ZNF239: variants seen among roughly 807,000 people sequenced by gnomAD.
ZNF239 encodes zinc finger protein 239.
Under a neutral mutation model 27.5 loss-of-function variants are expected in ZNF239, and 16 were observed. The observed-to-expected ratio is 0.58, with a 90% CI of 0.39 to 0.88. ZNF239 has a LOEUF of 0.88. Among genes scored for constraint, ZNF239 ranks in the 40% least tolerant of loss-of-function variants. The pLI is 0.00. For synonymous variants in ZNF239, 199 were observed against 192.6 expected, an observed-to-expected ratio of 1.03 and a Z score of -0.27; for missense variants, 527 against 551.9, an observed-to-expected ratio of 0.95 and a Z score of 0.45.
At chr10:43,569,724 T>C (rs1336646936) in intron 2 of ZNF239, among the ~76,000 whole-genome samples, 1 of 152,210 alleles carries the variant, frequency 6.6e-6, no homozygotes, top group Non-Finnish European at 1.5e-5. Flanking sequence ...TATTTTCTTA[T>C]TCACTTGCTT....
rs1836940402 is a variant in ZNF239, at chr10:43,558,097, A to G, written c.-18T>C. 6.2e-7 allele frequency: 1 copy of G among 1,602,440 alleles called. No homozygotes were observed. The highest frequency in any genetic ancestry group is 8.5e-7 in the Non-Finnish European group (1 of 1,173,166). ...CTGGCCATGCCTTCCAAAACTAGCC[A>G]GGAGGAAAGCTCATGTAACAGATCC... On this transcript the variant is annotated 5_prime_UTR_variant, in exon 4 of 4. Transcript: ENST00000374446.
chr10:43,565,511 G>A (rs776114779), intron 3 of ZNF239, among the ~76,000 whole-genome samples: 28 of 152,076 alleles, frequency 1.8e-4, no homozygotes, highest in Non-Finnish European at 3.5e-4. Context: ...CAGGGAGAGA[G>A]TAATGATAAA....
chr10:43,567,878 A>AGTTCACAT, intron 3 of ZNF239, 21 bp downstream of exon 3: 1 of 984,846 alleles, frequency 1.0e-6, no homozygotes, highest in South Asian at 4.7e-5. Flanking sequence ...CAGGTGTCCA[A>AGTTCACAT]GTTCACATGT....
Position 43,557,112 on chromosome 10 carries a change from T to A in ZNF239, c.968A>T (p.Glu323Val). 6.2e-7 allele frequency: 1 copy of A among 1,612,928 alleles called. No individual in the cohort carries two copies. The highest frequency in any genetic ancestry group is 8.5e-7 in the Non-Finnish European group (1 of 1,179,216). ...GCGCTGACTGAAGCTCATACCACAC[T>A]CCTCACACTCATAGGGCTTCTCTCC... ...HTGEKPYECE[E>V]CGMSFSQRSN... Residue 323 changes from glutamate (E) to valine (V), a missense_variant, in exon 4 of 4, where the codon GAG (glutamate) becomes GTG (valine). Transcript: ENST00000374446.
chr10:43,574,351 C>T (rs943788706), intron 1 of ZNF239, among the ~76,000 whole-genome samples, 189 bp downstream of exon 1: 3 of 152,198 alleles, frequency 2.0e-5, no homozygotes, highest in Non-Finnish European at 4.4e-5. Flanking sequence ...CCCGGGGGCG[C>T]AGCAGCTCGG....
At chr10:43,568,731 C>A (rs1378703632) in intron 2 of ZNF239, among the ~76,000 whole-genome samples, 1 of 152,196 alleles carries the variant, frequency 6.6e-6, no homozygotes, top group Non-Finnish European at 1.5e-5. Flanking sequence ...AACATCTACA[C>A]TGGGACGTCT....
chr10:43,565,233 G>A (rs1433402053), intron 3 of ZNF239, among the ~76,000 whole-genome samples: 2 of 151,990 alleles, frequency 1.3e-5, no homozygotes, highest in Non-Finnish European at 2.9e-5. Flanking sequence ...AAAGGCACCC[G>A]CCACCACGCC....
intron 3 of ZNF239, among the ~76,000 whole-genome samples, chr10:43,560,647 A>G (rs1360833701): frequency 1.9e-5 from 2 of 108,004 alleles, no homozygotes; most frequent in Non-Finnish European, 3.9e-5. Context: ...ACTGTCAAAA[A>G]AAAAAAAAAA....
At position 43,557,991 on chromosome 10, in the gene ZNF239, C is replaced by A; in HGVS notation, c.89G>T (p.Cys30Phe). ...DGEPELDISP[C>F]QQWGEASSPI... is the part of the protein sequence containing the mutation. ...AGAAGATGCTTCTCCCCACTGTTGACAAGGGGAAATATCTAGTTCAGGCTC... is the reference window on the plus strand; with the variant it reads ...AGAAGATGCTTCTCCCCACTGTTGAAAAGGGGAAATATCTAGTTCAGGCTC... Residue 30 changes from cysteine to phenylalanine, a missense_variant, in exon 4 of 4, where the codon TGT (cysteine) becomes TTT (phenylalanine). Physicochemically the swap from Cys to Phe is radical, Grantham distance 205. Coordinates refer to ENST00000374446, the MANE Select transcript of ZNF239 (RefSeq NM_001099282.2). 1 of 1,614,130 alleles carries A rather than the reference C, an allele frequency of 6.2e-7. No individual in the cohort carries two copies. Among genetic ancestry groups the A allele is most frequent in the Non-Finnish European group, 8.5e-7 (1 of 1,180,004 alleles).
chr10:43,566,712 T>G (rs1837673142), intron 3 of ZNF239, among the ~76,000 whole-genome samples: 1 of 152,256 alleles, frequency 6.6e-6, no homozygotes, highest in African/African-American at 2.4e-5. Flanking sequence ...TATTTTTTAA[T>G]GGCTACATAC....
In ZNF239 at chr10:43,557,764, C is replaced by G. The variant is rs1259440583; in HGVS notation, c.316G>C (p.Val106Leu). The G allele has an allele frequency of 6.2e-7, 1 of 1,614,142 alleles. No individual in the cohort carries two copies. The highest frequency in any genetic ancestry group is 1.1e-5 in the South Asian group (1 of 91,088). The change falls in exon 4 of 4, where the codon GTG (valine) becomes CTG (leucine). Residue 106 changes from valine to leucine, a missense_variant. Transcript: ENST00000374446. The stretch of plus-strand genomic sequence containing the variant: ...TCTGAACAACTTTCCCCCTTTATCA[C>G]TTTTCTCTCAGTGCTTTCTTCCATT... ...FVMEESTERK[V>L]IKGESCSENL... is the part of the protein sequence containing the mutation.
chr10:43,565,062 T>C (rs1199565131), intron 3 of ZNF239, among the ~76,000 whole-genome samples: 2 of 152,144 alleles, frequency 1.3e-5, no homozygotes, highest in Non-Finnish European at 2.9e-5. Flanking sequence ...AATTGGTTCA[T>C]AGGGGACACA....
chr10:43,557,547 G>T lies in ZNF239; in HGVS notation c.533C>A (p.Pro178His), dbSNP rs199750361. 1.9e-6 allele frequency: 3 copies of T among 1,614,026 alleles called. No homozygotes were observed. Among genetic ancestry groups the T allele is most frequent in the Non-Finnish European group, 2.5e-6 (3 of 1,180,032 alleles). The change falls in exon 4 of 4, where the codon CCC becomes CAC. Residue 178 changes from proline (P) to histidine (H), a missense_variant. By Grantham distance (77) the Pro-to-His change is moderately conservative (BLOSUM62 -2). Transcript: ENST00000374446. ...TTTCCCACAGTTATTATGGTCACAGGGTTTCTCCTCTGTATGAGCTCTCTG... is the reference window on the plus strand; with the variant it reads ...TTTCCCACAGTTATTATGGTCACAGTGTTTCTCCTCTGTATGAGCTCTCTG... ...SQQRAHTEEK[P>H]CDHNNCGKIL...
chr10:43,570,286 G>C (rs1408858184), intron 2 of ZNF239: 1 of 985,210 alleles, frequency 1.0e-6, no homozygotes. Context: ...AAGAGGGCTG[G>C]AAAAGGAGGC....
chr10:43,557,146 C>G lies in ZNF239; in HGVS notation c.934G>C (p.Val312Leu). Residue 312 changes from valine to leucine, a missense_variant, in exon 4 of 4, where the codon GTC (valine) becomes CTC (leucine). Coordinates refer to ENST00000374446, the MANE Select transcript of ZNF239 (RefSeq NM_001099282.2). The part of the protein sequence containing the change: ...QSSKLHIHQR[V>L]HTGEKPYECE... ...TCATAGGGCTTCTCTCCAGTGTGGA[C>G]TCGCTGGTGGATGTGCAGTTTGGAG... is the stretch of plus-strand genomic sequence containing the variant. The G allele has an allele frequency of 6.2e-7, 1 of 1,613,640 alleles. No homozygotes were observed. The highest frequency in any genetic ancestry group is 8.5e-7 in the Non-Finnish European group (1 of 1,179,776).
Position 43,557,498 on chromosome 10 carries a change from A to T in ZNF239, c.582T>A (p.Gly194=). The T allele has an allele frequency of 6.2e-7, 1 of 1,614,172 alleles. No individual in the cohort carries two copies. Among genetic ancestry groups the T allele is most frequent in the Non-Finnish European group, 8.5e-7 (1 of 1,180,030 alleles). The part of the protein sequence containing the change: ...CGKILNTSPD[G]HPYEKIHTAE... Reference sequence around the variant, plus strand: ...CAGTGTGGATTTTCTCATATGGATGACCATCTGGGCTGGTGTTAAGTATTT... The same window carrying T: ...CAGTGTGGATTTTCTCATATGGATGTCCATCTGGGCTGGTGTTAAGTATTT... Residue 194 remains glycine, a synonymous_variant, in exon 4 of 4, where the codon GGT becomes GGA. Coordinates refer to ENST00000374446, the MANE Select transcript of ZNF239 (RefSeq NM_001099282.2).
chr10:43,563,941 G>A (rs1283790712), intron 3 of ZNF239, among the ~76,000 whole-genome samples: 1 of 152,024 alleles, frequency 6.6e-6, no homozygotes, highest in Non-Finnish European at 1.5e-5. Context: ...TTACAGGCAT[G>A]TACCACCATG....
At chr10:43,568,120 A>G in intron 2 of ZNF239, 99 bp from the exon 3 acceptor site, 1 of 985,658 alleles carries the variant, frequency 1.0e-6, no homozygotes, top group South Asian at 4.7e-5. Flanking sequence ...TAAGAAAGGT[A>G]TAGAAGAAGT....
At chr10:43,574,076 G>A (rs9422544) in intron 1 of ZNF239, among the ~76,000 whole-genome samples, 70,083 of 152,048 alleles carry the variant, frequency 0.46, 17,531 homozygotes, top group South Asian at 0.61. Flanking sequence ...GCGGTGCGGG[G>A]GCTCAGATGC....
Sources: allele counts gnomAD v4.1 joint callset (sites outside exome capture counted in the v4.1 genomes callset), GRCh38; gene constraint gnomAD v4.1.1; transcripts MANE v1.5; gene names NCBI Gene and HGNC (gene_info 2026-07-23, HGNC 2026-07-21).